GNB4: variants seen among roughly 807,000 people sequenced by gnomAD.
GNB4 encodes the protein guanine nucleotide-binding protein subunit beta-4.
A neutral mutation model predicts 45.2 loss-of-function variants in GNB4; 28 were observed. The observed-to-expected ratio is 0.62, with a 90% confidence interval of 0.46 to 0.85. The LOEUF (loss-of-function observed/expected upper bound fraction) is 0.85, where lower values mean the gene tolerates loss of function less well. GNB4 is among the 40% of genes least tolerant of loss of function. The pLI, the probability that GNB4 is intolerant of heterozygous loss-of-function variation, is 0.00. For synonymous variants in GNB4, 132 were observed against 143.7 expected (o/e 0.92, Z 0.58); for missense variants, 321 against 425.4 (o/e 0.75, Z 2.16).
intron 8 of GNB4, among the ~76,000 whole-genome samples, chr3:179,409,238 C>A: frequency 6.6e-6 from 1 of 151,684 alleles, no homozygotes. Context: ...AGGCTGTGCA[C>A]AGTGGCTCAT....
chr3:179,408,430 T>C (rs892246890), intron 8 of GNB4, among the ~76,000 whole-genome samples: 6 of 152,002 alleles, frequency 3.9e-5, no homozygotes, highest in Non-Finnish European at 8.8e-5. Context: ...CTGGGAAAAC[T>C]TCAAGTGGTT....
At chr3:179,505,754 A>C in the GNB4 span, among the ~76,000 whole-genome samples, 2 of 152,218 alleles carry the variant, frequency 1.3e-5, no homozygotes, top group East Asian at 3.9e-4. Context: ...AAGAGTCATC[A>C]TATGACTTCA....
chr3:179,500,220 T>A, the GNB4 span, among the ~76,000 whole-genome samples: 6 of 152,336 alleles, frequency 3.9e-5, no homozygotes, highest in Admixed American at 3.9e-4. Context: ...TTTTAGGTCT[T>A]ACATTTAAGT....
the GNB4 span, among the ~76,000 whole-genome samples, chr3:179,490,124 G>A: frequency 6.6e-5 from 10 of 152,278 alleles, no homozygotes; most frequent in African/African-American, 1.4e-4. Context: ...GACAGAATGC[G>A]TGGAACAGCT....
chr3:179,431,684 T>G (rs918350924), intron 1 of GNB4, among the ~76,000 whole-genome samples: 3 of 152,200 alleles, frequency 2.0e-5, no homozygotes, highest in African/African-American at 7.2e-5. Context: ...GGAAGTTAGA[T>G]CTACCGGCTA....
the GNB4 span, among the ~76,000 whole-genome samples, chr3:179,498,913 C>T: frequency 2.0e-5 from 3 of 152,020 alleles, no homozygotes; most frequent in African/African-American, 7.2e-5. Flanking sequence ...CTATCCCTCC[C>T]CTAGCCCCCA....
At chr3:179,490,794 T>C in the GNB4 span, among the ~76,000 whole-genome samples, 1 of 152,202 alleles carries the variant, frequency 6.6e-6, no homozygotes, top group Non-Finnish European at 1.5e-5. Flanking sequence ...TCCACTCAGA[T>C]GCACATGCCA....
At chr3:179,413,292 A>G (rs762220926) in intron 8 of GNB4, 120 bp downstream of exon 8, 4 of 734,884 alleles carry the variant, frequency 5.4e-6, no homozygotes, top group African/African-American at 1.8e-5. Flanking sequence ...TGGAGATTCA[A>G]AGTTATAAGA....
the GNB4 span, among the ~76,000 whole-genome samples, chr3:179,524,268 G>A: frequency 6.6e-6 from 1 of 152,248 alleles, no homozygotes; most frequent in East Asian, 1.9e-4. Context: ...GGCTCTGGGA[G>A]TGGCTGCCGG....
At chr3:179,470,080 A>G in the GNB4 span, among the ~76,000 whole-genome samples, 4 of 152,246 alleles carry the variant, frequency 2.6e-5, no homozygotes, top group African/African-American at 9.6e-5. Context: ...GTGTAAACAA[A>G]CACTGTTGTA....
chr3:179,468,436 G>A, the GNB4 span, among the ~76,000 whole-genome samples: 4 of 151,574 alleles, frequency 2.6e-5, no homozygotes, highest in East Asian at 5.8e-4. Context: ...AAGAGGTTGC[G>A]GTAAGCCGAG....
the GNB4 span, among the ~76,000 whole-genome samples, chr3:179,485,007 T>G: frequency 5.1e-5 from 1 of 19,442 alleles, no homozygotes; most frequent in African/African-American, 1.4e-4. Flanking sequence ...TTCGTTTTGT[T>G]TTTTTTTTTT....
intron 4 of GNB4, among the ~76,000 whole-genome samples, chr3:179,418,470 CAAAAAAAAAAAAAAAAAAG>C: frequency 1.0e-5 from 1 of 95,378 alleles, no homozygotes; most frequent in Admixed American, 1.2e-4. Context: ...AACTCTGTCT[CAAAAAAAAAAAAAAAAAAG>C]AAAAAAGAAA....
chr3:179,513,886 C>T, the GNB4 span, among the ~76,000 whole-genome samples: 1 of 152,176 alleles, frequency 6.6e-6, no homozygotes, highest in Non-Finnish European at 1.5e-5. Context: ...TCTCACTTTC[C>T]CATGGATAAC....
chr3:179,456,782 C>T, the GNB4 span, among the ~76,000 whole-genome samples: 15 of 151,728 alleles, frequency 9.9e-5, no homozygotes, highest in East Asian at 2.1e-3. Context: ...CCCTAGAGTT[C>T]TGTCTTTTTG....
intron 1 of GNB4, among the ~76,000 whole-genome samples, chr3:179,441,415 A>G (rs1715590468): frequency 6.6e-6 from 1 of 152,124 alleles, no homozygotes; most frequent in African/African-American, 2.4e-5. Flanking sequence ...GTATCTAAAC[A>G]TATCTAAATA....
the GNB4 span, among the ~76,000 whole-genome samples, chr3:179,482,942 G>A: frequency 6.6e-6 from 1 of 152,186 alleles, no homozygotes; most frequent in South Asian, 2.1e-4. Context: ...TCATCATGAT[G>A]GGTATGAGAA....
At chr3:179,501,490 A>T in the GNB4 span, among the ~76,000 whole-genome samples, 3 of 144,666 alleles carry the variant, frequency 2.1e-5, no homozygotes, top group African/African-American at 2.5e-5. Flanking sequence ...TTTGGTTTGG[A>T]TTTTTTTTTT....
chr3:179,519,267 G>A, the GNB4 span, among the ~76,000 whole-genome samples: 2 of 152,156 alleles, frequency 1.3e-5, no homozygotes, highest in Admixed American at 1.3e-4. Context: ...CACTTCCAGA[G>A]CCCCTAAAAC....
Sources: allele counts gnomAD v4.1 joint callset (sites outside exome capture counted in the v4.1 genomes callset), GRCh38; gene constraint gnomAD v4.1.1; transcripts MANE v1.5; gene names NCBI Gene and HGNC (gene_info 2026-07-23, HGNC 2026-07-21).